The following PACSIN2 variants were observed in gnomAD, a reference collection of about 807,000 sequenced individuals.
PACSIN2 encodes the protein protein kinase C and casein kinase substrate in neurons 2.
PACSIN2 carries 25 observed loss-of-function variants against 63.8 expected under a neutral mutation model. The observed-to-expected ratio is 0.39, with a 90% CI of 0.29 to 0.55. PACSIN2 has a LOEUF of 0.55. Ranked by LOEUF, PACSIN2 falls within the 20% of genes least tolerant of loss-of-function variation. The pLI is 0.62. For missense variants in PACSIN2, 518 were observed against 646.9 expected (o/e 0.80, Z 2.16); for synonymous variants, 255 against 256.2 (o/e 1.00, Z 0.05).
At chr22:42,878,960 C>G (rs1928857361) in intron 8 of PACSIN2, 88 bp downstream of exon 8, 1 of 1,445,828 alleles carries the variant, frequency 6.9e-7, no homozygotes, top group Admixed American at 2.3e-5. Flanking sequence ...TCCCAGGTGT[C>G]CAGGCCGGGG....
chr22:42,945,668 C>T (rs1024567104), intron 1 of PACSIN2: 2 of 152,428 alleles, frequency 1.3e-5, no homozygotes, highest in African/African-American at 4.8e-5. Context: ...GACCGGACTA[C>T]ATCAGCTCTT....
intron 1 of PACSIN2, among the ~76,000 whole-genome samples, chr22:42,970,445 C>T (rs1239266395): frequency 2.0e-5 from 3 of 152,202 alleles, no homozygotes; most frequent in South Asian, 2.1e-4. Flanking sequence ...TTCAGTAATA[C>T]TGCATCAATG....
chr22:42,999,161 A>G (rs1033430978), intron 1 of PACSIN2, among the ~76,000 whole-genome samples: 2 of 152,212 alleles, frequency 1.3e-5, no homozygotes, highest in Non-Finnish European at 2.9e-5. Context: ...GAGCATTGTA[A>G]CAACCCTAGA....
intron 1 of PACSIN2, among the ~76,000 whole-genome samples, chr22:43,008,329 C>T (rs543040650): frequency 5.3e-5 from 8 of 152,128 alleles, no homozygotes; most frequent in Non-Finnish European, 1.2e-4. Context: ...CGGCTCACTG[C>T]AACCTCCGCC....
chr22:42,888,630 G>A lies in PACSIN2; in HGVS notation c.609+13C>T, dbSNP rs748602786. On this transcript the variant is annotated intron_variant, in intron 5 of 10. Coordinates refer to ENST00000263246, the MANE Select transcript of PACSIN2 (RefSeq NM_001184970.3). Reference sequence around the variant, plus strand: ...GGTGACACTCGACGTGTAAAAACAAGTGTACAGTTTACCTTAAGAACATCT... The same window carrying A: ...GGTGACACTCGACGTGTAAAAACAAATGTACAGTTTACCTTAAGAACATCT... 8.7e-6 allele frequency: 14 copies of A among 1,613,776 alleles called. No individual in the cohort carries two copies. Among genetic ancestry groups the A allele is most frequent in the Admixed American group, 5.0e-5 (3 of 60,028 alleles).
chr22:42,882,389 C>T (rs775274854), intron 6 of PACSIN2, 85 bp from the exon 7 acceptor site: 11 of 1,462,240 alleles, frequency 7.5e-6, no homozygotes, highest in Non-Finnish European at 1.0e-5. Flanking sequence ...CAGCAGGTCC[C>T]GTGGTCTCTG....
chr22:42,896,495 T>C (rs939239889), intron 2 of PACSIN2, among the ~76,000 whole-genome samples: 2 of 152,176 alleles, frequency 1.3e-5, no homozygotes, highest in Admixed American at 6.5e-5. Context: ...TTCGATTGGG[T>C]AGTTATACCA....
chr22:42,948,383 G>C (rs1286053469), intron 1 of PACSIN2, among the ~76,000 whole-genome samples: 2 of 152,196 alleles, frequency 1.3e-5, no homozygotes, highest in Non-Finnish European at 2.9e-5. Context: ...GCATGGACAA[G>C]AAGAGGTCAC....
intron 1 of PACSIN2, among the ~76,000 whole-genome samples, chr22:43,011,504 C>T (rs543645814): frequency 6.6e-6 from 1 of 152,254 alleles, no homozygotes; most frequent in African/African-American, 2.4e-5. Flanking sequence ...ACTTTTCGAT[C>T]TGTTTGATAT....
intron 1 of PACSIN2, among the ~76,000 whole-genome samples, chr22:42,991,824 A>G (rs1013298057): frequency 6.6e-6 from 1 of 152,104 alleles, no homozygotes; most frequent in Non-Finnish European, 1.5e-5. Flanking sequence ...AAAAAAAAAA[A>G]AAAAAACCTT....
intron 1 of PACSIN2, among the ~76,000 whole-genome samples, chr22:42,921,603 T>C (rs1463361913): frequency 2.0e-5 from 3 of 152,104 alleles, no homozygotes; most frequent in African/African-American, 7.2e-5. Flanking sequence ...AGAGAGAAAT[T>C]CTAATGAAAT....
chr22:42,968,064 T>C (rs1375386069), intron 1 of PACSIN2, among the ~76,000 whole-genome samples: 1 of 152,226 alleles, frequency 6.6e-6, no homozygotes, highest in East Asian at 1.9e-4. Context: ...ATGAGAAAAC[T>C]ACAGGTTTGG....
intron 1 of PACSIN2, among the ~76,000 whole-genome samples, chr22:42,969,068 T>TCCATCCATCCATCCAC (rs1425413218): frequency 1.3e-5 from 2 of 151,962 alleles, no homozygotes; most frequent in African/African-American, 2.4e-5. Flanking sequence ...CATCCATCCA[T>TCCATCCATCCATCCAC]CCACCCTATT....
chr22:42,994,917 C>A (rs1923296878), intron 1 of PACSIN2, among the ~76,000 whole-genome samples: 2 of 152,244 alleles, frequency 1.3e-5, no homozygotes, highest in Non-Finnish European at 2.9e-5. Context: ...ATCCCCATCC[C>A]ACCCCAAGCC....
intron 1 of PACSIN2, among the ~76,000 whole-genome samples, chr22:43,009,291 C>T (rs1449716282): frequency 6.6e-6 from 1 of 152,196 alleles, no homozygotes; most frequent in African/African-American, 2.4e-5. Flanking sequence ...CTATTGCCAC[C>T]TGTACCACTC....
chr22:42,957,986 T>C (rs1237002174), intron 1 of PACSIN2, among the ~76,000 whole-genome samples: 10 of 152,074 alleles, frequency 6.6e-5, no homozygotes, highest in African/African-American at 2.2e-4. Flanking sequence ...CTCTTTGTAC[T>C]TGAGGTAATT....
intron 1 of PACSIN2, among the ~76,000 whole-genome samples, chr22:42,985,813 A>C (rs1483181668): frequency 6.6e-6 from 1 of 152,192 alleles, no homozygotes; most frequent in Admixed American, 6.5e-5. Flanking sequence ...CCATGCAGGA[A>C]TCACTGAGCA....
chr22:42,998,272 C>G (rs560320442), intron 1 of PACSIN2, among the ~76,000 whole-genome samples: 14 of 152,278 alleles, frequency 9.2e-5, no homozygotes, highest in African/African-American at 3.1e-4. Flanking sequence ...ATATAGGAAC[C>G]TTCTTTGCTG....
At chr22:42,977,988 C>T (rs926701902) in intron 1 of PACSIN2, among the ~76,000 whole-genome samples, 5 of 152,168 alleles carry the variant, frequency 3.3e-5, no homozygotes, top group Non-Finnish European at 2.9e-5. Flanking sequence ...TCATACATTG[C>T]TAGTACAAGT....
Sources: allele counts gnomAD v4.1 joint callset (sites outside exome capture counted in the v4.1 genomes callset), GRCh38; gene constraint gnomAD v4.1.1; transcripts MANE v1.5; gene names NCBI Gene and HGNC (gene_info 2026-07-23, HGNC 2026-07-21).